The following HDHD2 variants were observed in gnomAD, a reference collection of about 807,000 sequenced individuals.
The protein encoded by HDHD2 is haloacid dehalogenase-like hydrolase domain-containing protein 2.
Under a neutral mutation model 24.8 loss-of-function variants are expected in HDHD2, and 26 were observed. The observed-to-expected ratio is 1.05, with a 90% CI of 0.77 to 1.45. The LOEUF (loss-of-function observed/expected upper bound fraction) is 1.45. Among genes scored for constraint, HDHD2 ranks in the 40% most tolerant of loss-of-function variants. The probability of loss-of-function intolerance (pLI) is 0.00; values close to 1 mark genes in which losing one functional copy is unlikely to be tolerated. For synonymous variants in HDHD2, 128 were observed against 114.9 expected (o/e 1.11, Z -0.73); for missense variants, 299 against 313.4 (o/e 0.95, Z 0.35).
At position 47,140,462 on chromosome 18, in the gene HDHD2, G is replaced by A. The variant is rs140399620; in HGVS notation, c.-10-4013C>T. ...ACTTTTCTAACAGTTTGGTGTTGGT[G>A]TATTAAAATACATTTTTTGTTGTTA... On this transcript the variant is annotated intron_variant, in intron 1 of 6. Coordinates refer to ENST00000300605, the MANE Select transcript of HDHD2 (RefSeq NM_032124.5). 2.8e-3 allele frequency among the ~76,000 whole-genome samples: 420 copies of A among 152,216 alleles called. 8 individuals carry two copies. The highest frequency in any genetic ancestry group is 0.023 in the East Asian group (118 of 5,188).
At chr18:47,126,488 A>T (rs916384879) in intron 4 of HDHD2, among the ~76,000 whole-genome samples, 2 of 148,412 alleles carry the variant, frequency 1.3e-5, no homozygotes, top group Non-Finnish European at 3.0e-5. Context: ...CTGAAAAATT[A>T]AAAAAAAAAA....
chr18:47,109,929 C>T (rs2063502369), intron 6 of HDHD2: 1 of 965,430 alleles, frequency 1.0e-6, no homozygotes, highest in Non-Finnish European at 1.2e-6. Flanking sequence ...CACATAGTAA[C>T]TATCCTATAA....
At chr18:47,111,617 C>T in intron 6 of HDHD2, 1 of 985,328 alleles carries the variant, frequency 1.0e-6, no homozygotes, top group Non-Finnish European at 1.2e-6. Flanking sequence ...TTGACTGAGA[C>T]ATTCGAAAAA....
At chr18:47,144,532 C>G (rs1395126360) in intron 1 of HDHD2, among the ~76,000 whole-genome samples, 1 of 152,140 alleles carries the variant, frequency 6.6e-6, no homozygotes. Context: ...AGAAAAACTT[C>G]AAGATTGTAA....
chr18:47,110,037 T>C, intron 6 of HDHD2: 1 of 985,448 alleles, frequency 1.0e-6, no homozygotes, highest in South Asian at 4.7e-5. Flanking sequence ...GCCTCTGCCC[T>C]TCACCTTTCT....
chr18:47,109,777 TCCA>T (rs1202777455), intron 6 of HDHD2: 1 of 180,244 alleles, frequency 5.5e-6, no homozygotes, highest in Non-Finnish European at 1.1e-5. Context: ...GTTCTTTGCC[TCCA>T]CAACATTTAC....
chr18:47,121,878 T>G (rs1345381192), intron 4 of HDHD2, among the ~76,000 whole-genome samples: 2 of 152,166 alleles, frequency 1.3e-5, no homozygotes, highest in Non-Finnish European at 2.9e-5. Flanking sequence ...TCACATAGAT[T>G]TCTTCCACTC....
intron 6 of HDHD2, among the ~76,000 whole-genome samples, chr18:47,112,035 A>G (rs1167316723): frequency 6.6e-6 from 1 of 152,224 alleles, no homozygotes; most frequent in African/African-American, 2.4e-5. Context: ...ATTCTTGGAC[A>G]AGATTTCTGG....
At chr18:47,124,706 C>CA (rs34350751) in intron 4 of HDHD2, among the ~76,000 whole-genome samples, 19,275 of 43,796 alleles carry the variant, frequency 0.44, 4,302 homozygotes, top group Middle Eastern at 0.56. Flanking sequence ...AACTCTGACT[C>CA]AAAAAAAAAA....
At chr18:47,144,664 T>C (rs543415684) in intron 1 of HDHD2, among the ~76,000 whole-genome samples, 1 of 151,374 alleles carries the variant, frequency 6.6e-6, no homozygotes, top group South Asian at 2.1e-4. Context: ...CCAAGCGTGG[T>C]AGCATGGGCC....
rs929499990 is a variant in HDHD2 at position 47,108,081 on chromosome 18, T to G, written c.*601A>C. Reference sequence around the variant, plus strand: ...TAAATTTAAATTAGTCATCTCTGGCTAATGAAGAGAAAAAGAAGTCACCCG... The same window carrying G: ...TAAATTTAAATTAGTCATCTCTGGCGAATGAAGAGAAAAAGAAGTCACCCG... On this transcript the variant is annotated 3_prime_UTR_variant, in exon 7 of 7. Transcript: ENST00000300605. The G allele has an allele frequency of 6.6e-6, 1 of 152,658 alleles. No homozygotes were observed. Among genetic ancestry groups the G allele is most frequent in the Non-Finnish European group, 1.5e-5 (1 of 68,042 alleles). The allele number at this position is 152,658 out of a possible 1,614,324, so 9.5% of individuals were successfully genotyped here.
chr18:47,111,411 G>C, intron 6 of HDHD2: 1 of 981,912 alleles, frequency 1.0e-6, no homozygotes, highest in South Asian at 4.7e-5. Context: ...AATACTCATG[G>C]GAATAATACA....
At chr18:47,149,369 C>A (rs2063906319) in intron 1 of HDHD2, among the ~76,000 whole-genome samples, 3 of 152,072 alleles carry the variant, frequency 2.0e-5, no homozygotes, top group Admixed American at 2.0e-4. Context: ...TCTTTCCTTC[C>A]CTATATGGTT....
intron 1 of HDHD2, among the ~76,000 whole-genome samples, chr18:47,140,717 A>G (rs1278747066): frequency 6.6e-6 from 1 of 151,964 alleles, no homozygotes; most frequent in Non-Finnish European, 1.5e-5. Context: ...GGGTCTTCCT[A>G]TGTCTCTCAG....
At chr18:47,133,378 C>T (rs1426096656) in intron 3 of HDHD2, among the ~76,000 whole-genome samples, 27 of 151,990 alleles carry the variant, frequency 1.8e-4, no homozygotes, top group Non-Finnish European at 3.7e-4. Context: ...GCCACATTTT[C>T]TTAATCCAGT....
chr18:47,120,925 A>T (rs140680497), intron 4 of HDHD2, among the ~76,000 whole-genome samples: 7 of 152,284 alleles, frequency 4.6e-5, no homozygotes, highest in South Asian at 2.1e-4. Flanking sequence ...TGGCTGCCCA[A>T]AACAATTACA....
At chr18:47,124,774 G>A (rs375362138) in intron 4 of HDHD2, among the ~76,000 whole-genome samples, 2 of 144,098 alleles carry the variant, frequency 1.4e-5, no homozygotes, top group South Asian at 2.2e-4. Flanking sequence ...ATCAGAAAAC[G>A]TAAAAGATTT....
chr18:47,144,986 C>T (rs2063855366), intron 1 of HDHD2, among the ~76,000 whole-genome samples: 1 of 152,056 alleles, frequency 6.6e-6, no homozygotes, highest in Admixed American at 6.6e-5. Flanking sequence ...TATCATAATG[C>T]CTACATGTGT....
At chr18:47,124,313 C>T (rs1183660744) in intron 4 of HDHD2, among the ~76,000 whole-genome samples, 3 of 152,104 alleles carry the variant, frequency 2.0e-5, no homozygotes, top group African/African-American at 7.2e-5. Flanking sequence ...AAATTAAGAA[C>T]CTGATCTTCT....
Sources: gnomAD v4.1 joint callset for allele counts (sites outside exome capture counted in the v4.1 genomes callset) on GRCh38, gnomAD v4.1.1 for gene constraint, MANE v1.5 for transcripts, NCBI Gene and HGNC (gene_info 2026-07-23, HGNC 2026-07-21) for gene names.